The following NOL10 variants were observed in gnomAD, a reference collection of about 807,000 sequenced individuals.
NOL10 encodes the protein nucleolar protein 10, also known as H_NH0074G24.1.
A neutral mutation model predicts 103.5 loss-of-function variants in NOL10; 58 were observed. The observed-to-expected ratio is 0.56, with a 90% CI of 0.45 to 0.70. The LOEUF is 0.70. Ranked by LOEUF, NOL10 falls within the 30% of genes least tolerant of loss-of-function variation. NOL10 has a pLI of 0.00. For synonymous variants in NOL10, 287 were observed against 282.5 expected (o/e 1.02, Z -0.16); for missense variants, 763 against 807.3 (o/e 0.95, Z 0.67).
chr2:10,664,897 A>G (rs1680475302), intron 8 of NOL10, among the ~76,000 whole-genome samples: 2 of 150,674 alleles, frequency 1.3e-5, no homozygotes, highest in Admixed American at 6.7e-5. Flanking sequence ...TACACAGCAA[A>G]TTATTAACAG....
chr2:10,601,256 G>T (rs1032881100), intron 16 of NOL10, among the ~76,000 whole-genome samples: 16 of 152,066 alleles, frequency 1.1e-4, no homozygotes, highest in Non-Finnish European at 7.4e-5. Context: ...GTAGAGACGG[G>T]GTTTCACTGT....
chr2:10,677,338 T>G (rs1161313815), intron 3 of NOL10, among the ~76,000 whole-genome samples: 1 of 152,192 alleles, frequency 6.6e-6, no homozygotes, highest in African/African-American at 2.4e-5. Flanking sequence ...TATTTTATGT[T>G]ATGTATTTCC....
At chr2:10,646,550 G>T (rs1332940145) in intron 12 of NOL10, among the ~76,000 whole-genome samples, 4 of 152,162 alleles carry the variant, frequency 2.6e-5, no homozygotes, top group Non-Finnish European at 4.4e-5. Flanking sequence ...ATGAGAAAAA[G>T]AACATCATAG....
chr2:10,683,177 C>A (rs1258851802), intron 2 of NOL10, among the ~76,000 whole-genome samples: 1 of 152,076 alleles, frequency 6.6e-6, no homozygotes, highest in Non-Finnish European at 1.5e-5. Flanking sequence ...CCCTTTGATA[C>A]CTTAGGTTTT....
At chr2:10,592,197 C>T (rs10803724) in intron 17 of NOL10, among the ~76,000 whole-genome samples, 52,010 of 151,686 alleles carry the variant, frequency 0.34, 9,282 homozygotes, top group Non-Finnish European at 0.4. Context: ...AGAATAATTA[C>T]GAGATACAGT....
chr2:10,585,935 A>T (rs979904525), intron 19 of NOL10, among the ~76,000 whole-genome samples: 8 of 152,240 alleles, frequency 5.3e-5, no homozygotes, highest in African/African-American at 1.9e-4. Context: ...ACCCTTGGAT[A>T]CAGAGGGCTG....
chr2:10,615,346 TA>T (rs772612520), intron 13 of NOL10, among the ~76,000 whole-genome samples: 2 of 151,598 alleles, frequency 1.3e-5, no homozygotes, highest in African/African-American at 2.4e-5. Context: ...AAGGCCAAGT[TA>T]AAAAAAAATT....
chr2:10,652,282 G>A (rs1463461103), intron 12 of NOL10, among the ~76,000 whole-genome samples: 1 of 151,156 alleles, frequency 6.6e-6, no homozygotes, highest in Non-Finnish European at 1.5e-5. Context: ...AAACAGCATG[G>A]GCACCAGAAA....
Position 10,571,964 on chromosome 2 carries a change from A to G in NOL10, c.*107T>C, listed in dbSNP as rs1674200302. 3 of 1,339,374 alleles carry G rather than the reference A, an allele frequency of 2.2e-6. No homozygotes were observed. Among genetic ancestry groups the G allele is most frequent in the Non-Finnish European group, 3.1e-6 (3 of 961,154 alleles). The allele number at this position is 1,339,374 out of a possible 1,614,324, so 83.0% of individuals were successfully genotyped here. ...TTTACCTCTGTGTACAAGAACGTAC[A>G]TGAACTTTAAAAACGTGTGTTTCCT... On this transcript the variant is annotated 3_prime_UTR_variant, in exon 21 of 21. Coordinates refer to ENST00000381685, the MANE Select transcript of NOL10 (RefSeq NM_024894.4).
At chr2:10,574,248 T>C (rs1674334483) in intron 20 of NOL10, among the ~76,000 whole-genome samples, 2 of 152,190 alleles carry the variant, frequency 1.3e-5, no homozygotes, top group Non-Finnish European at 2.9e-5. Flanking sequence ...TAACACTCCC[T>C]AGCTGAGCAA....
intron 13 of NOL10, among the ~76,000 whole-genome samples, chr2:10,641,552 T>C (rs1678699475): frequency 6.6e-6 from 1 of 152,220 alleles, no homozygotes; most frequent in African/African-American, 2.4e-5. Flanking sequence ...CTGTTTTGCT[T>C]TCTTTAAAAG....
chr2:10,602,972 C>A (rs1401072677), intron 15 of NOL10, 98 bp from the exon 16 acceptor site: 8 of 1,212,134 alleles, frequency 6.6e-6, no homozygotes, highest in African/African-American at 3.0e-5. Context: ...ACAGGCAGAT[C>A]CCCTACAAAT....
rs77537862 is a variant in NOL10, at chr2:10,592,959, G to A, written c.1423-3208C>T. Among the ~76,000 whole-genome samples, 92 of 151,940 alleles carry A rather than the reference G, an allele frequency of 6.1e-4. 2 individuals carry two copies. In the East Asian group the frequency reaches 0.014, roughly 22 times the overall value. On this transcript the variant is annotated intron_variant, in intron 17 of 20. Transcript: ENST00000381685. The stretch of plus-strand genomic sequence containing the variant: ...CTAGTGATCCGTCCTATAAATACCC[G>A]TCTACACATGCTCAACTTTACCATT...
intron 13 of NOL10, among the ~76,000 whole-genome samples, chr2:10,615,462 G>C (rs901337739): frequency 6.6e-6 from 1 of 152,132 alleles, no homozygotes; most frequent in African/African-American, 2.4e-5. Context: ...CTTCAGTCAA[G>C]GGCTAGCAGA....
Position 10,675,862 on chromosome 2 carries a change from T to G in NOL10, c.221A>C (p.Lys74Thr), listed in dbSNP as rs769455861. ...GGTGTCATAACATCGAACCCGAGGT[T>G]TATATGTTCCTACAAAAAATTAATG... ...GQYILATGTYKPRVRCYDTYQ... is the reference protein window; with the variant it reads ...GQYILATGTYTPRVRCYDTYQ... The change falls in exon 4 of 21, where the codon AAA (lysine) becomes ACA (threonine). Residue 74 changes from lysine to threonine, a missense_variant. Physicochemically the swap from Lys to Thr is moderately conservative, Grantham distance 78. Transcript: ENST00000381685. The G allele has an allele frequency of 3.8e-5, 59 of 1,563,882 alleles. No individual in the cohort carries two copies. Among genetic ancestry groups the G allele is most frequent in the Non-Finnish European group, 4.8e-5 (55 of 1,149,336 alleles).
chr2:10,684,272 A>G (rs112432237), intron 2 of NOL10, among the ~76,000 whole-genome samples: 3,820 of 123,012 alleles, frequency 0.031, 188 homozygotes, highest in African/African-American at 0.1. Context: ...GTGAAACTCC[A>G]TCTCAAAAAA....
intron 17 of NOL10, among the ~76,000 whole-genome samples, chr2:10,591,979 G>A (rs12104950): frequency 0.35 from 52,238 of 150,816 alleles, 9,409 homozygotes; most frequent in Non-Finnish European, 0.4. Flanking sequence ...TCCAGCCTGC[G>A]TAACAGAGAG....
chr2:10,623,030 C>T (rs1346569045), intron 13 of NOL10, among the ~76,000 whole-genome samples: 1 of 152,096 alleles, frequency 6.6e-6, no homozygotes, highest in Non-Finnish European at 1.5e-5. Flanking sequence ...CCAACTCTTC[C>T]CTCACCATGC....
At chr2:10,591,460 AT>A (rs1383213541) in intron 17 of NOL10, among the ~76,000 whole-genome samples, 4 of 152,200 alleles carry the variant, frequency 2.6e-5, no homozygotes, top group African/African-American at 9.6e-5. Flanking sequence ...TTTCCAGCCG[AT>A]GGGAGTGGTG....
Sources: allele counts gnomAD v4.1 joint callset (sites outside exome capture counted in the v4.1 genomes callset), GRCh38; gene constraint gnomAD v4.1.1; transcripts MANE v1.5; gene names NCBI Gene and HGNC (gene_info 2026-07-23, HGNC 2026-07-21).